ABCA4: variants seen among roughly 807,000 people sequenced by gnomAD.
ABCA4 encodes the protein retinal-specific phospholipid-transporting ATPase ABCA4.
Under a neutral mutation model 263.7 loss-of-function variants are expected in ABCA4, and 196 were observed. The observed-to-expected ratio is 0.74, with a 90% CI of 0.66 to 0.84. The LOEUF is 0.84. Among genes scored for constraint, ABCA4 ranks in the 40% least tolerant of loss-of-function variants. ABCA4 has a pLI of 0.00. For missense variants in ABCA4, 2,792 were observed against 2,855.1 expected (o/e 0.98, Z 0.50); for synonymous variants, 1,133 against 1,094.2 (o/e 1.04, Z -0.70).
chr1:94,082,694 C>T (rs941566671), intron 7 of ABCA4, among the ~76,000 whole-genome samples: 9 of 152,344 alleles, frequency 5.9e-5, no homozygotes, highest in South Asian at 2.1e-4. Flanking sequence ...CCCTCCCTTT[C>T]GTAACACTCA....
chr1:94,100,166 G>A (rs1003657246), intron 5 of ABCA4, among the ~76,000 whole-genome samples: 5 of 152,268 alleles, frequency 3.3e-5, no homozygotes, highest in Admixed American at 6.5e-5. Context: ...GTCCCCACAC[G>A]AGGCACAGGT....
intron 38 of ABCA4, among the ~76,000 whole-genome samples, 176 bp from the exon 39 acceptor site, chr1:94,011,561 A>C (rs1659548706): frequency 6.6e-6 from 1 of 152,178 alleles, no homozygotes; most frequent in African/African-American, 2.4e-5. Context: ...ATGGGTTTGC[A>C]ATGGAGGTCA....
intron 49 of ABCA4, 128 bp downstream of exon 49, chr1:93,995,981 C>A (rs138940980): frequency 1.3e-6 from 1 of 764,728 alleles, no homozygotes. Flanking sequence ...TGGTAGGGAC[C>A]GTGGTGTGGG....
rs560159280 is a variant in ABCA4 at position 94,062,521 on chromosome 1, C to T, written c.1937+56G>A. The T allele has an allele frequency of 1.1e-4, 181 of 1,588,636 alleles. 1 individual carries two copies. The highest frequency in any genetic ancestry group is 1.5e-4 in the Non-Finnish European group (174 of 1,160,136). Reference sequence around the variant, plus strand: ...AGGGCACCCCCAGCCCACCCCAGCCCACTCCAGCACCCCCATTAGCGTGTC... The same window carrying T: ...AGGGCACCCCCAGCCCACCCCAGCCTACTCCAGCACCCCCATTAGCGTGTC... On this transcript the variant is annotated intron_variant, in intron 13 of 49. Coordinates refer to ENST00000370225, the MANE Select transcript of ABCA4 (RefSeq NM_000350.3).
intron 47 of ABCA4, 128 bp from the exon 48 acceptor site, chr1:93,998,238 C>A: frequency 1.5e-6 from 2 of 1,306,440 alleles, no homozygotes; most frequent in Non-Finnish European, 1.1e-6. Flanking sequence ...CACCTGAAAT[C>A]CCAGCAATTT....
chr1:94,120,346 T>A (rs1347497790), intron 1 of ABCA4, among the ~76,000 whole-genome samples: 1 of 151,964 alleles, frequency 6.6e-6, no homozygotes, highest in East Asian at 1.9e-4. Context: ...ATTGAAAGAG[T>A]TCAGGAAATG....
At chr1:93,996,642 C>T (rs1659011006) in intron 48 of ABCA4, among the ~76,000 whole-genome samples, 1 of 152,146 alleles carries the variant, frequency 6.6e-6, no homozygotes, top group Admixed American at 6.6e-5. Context: ...GGAGACTTCC[C>T]TGTTTCCACT....
chr1:94,068,607 A>T (rs757402881), intron 11 of ABCA4, among the ~76,000 whole-genome samples: 3 of 152,266 alleles, frequency 2.0e-5, no homozygotes, highest in Non-Finnish European at 4.4e-5. Flanking sequence ...TGGTCTGATT[A>T]GCTTGCAAGT....
intron 6 of ABCA4, among the ~76,000 whole-genome samples, chr1:94,093,839 T>A (rs543540156): frequency 1.3e-5 from 2 of 152,226 alleles, no homozygotes; most frequent in African/African-American, 4.8e-5. Context: ...TTGATGGTAA[T>A]AGGTAAAGAT....
chr1:94,104,953 G>A (rs916551672), intron 4 of ABCA4, among the ~76,000 whole-genome samples: 6 of 151,320 alleles, frequency 4.0e-5, no homozygotes, highest in Admixed American at 6.6e-5. Flanking sequence ...CCCAACACAC[G>A]CACACACACA....
At chr1:94,025,732 T>G (rs1660025025) in intron 30 of ABCA4, 1 of 157,840 alleles carries the variant, frequency 6.3e-6, no homozygotes, top group Admixed American at 6.0e-5. Context: ...TGTATTGTCA[T>G]GTACTGTTGT....
rs1662047671 is a variant in ABCA4, at chr1:94,094,002, T to G, written c.768+4792A>C. ...CAACAGCCCTGCTGTTCCCTGGTACTGGCACTCAGGAATCACTCCTTTCTC... is the reference window on the plus strand; with the variant it reads ...CAACAGCCCTGCTGTTCCCTGGTACGGGCACTCAGGAATCACTCCTTTCTC... On this transcript the variant is annotated intron_variant, in intron 6 of 49. Coordinates refer to ENST00000370225, the MANE Select transcript of ABCA4 (RefSeq NM_000350.3). 2.0e-5 allele frequency among the ~76,000 whole-genome samples: 3 copies of G among 152,224 alleles called. No homozygotes were observed. The South Asian group carries it at 6.2e-4, about 32-fold the overall frequency.
chr1:94,048,402 G>C (rs1660744472), intron 18 of ABCA4, among the ~76,000 whole-genome samples: 2 of 152,240 alleles, frequency 1.3e-5, no homozygotes, highest in South Asian at 2.1e-4. Flanking sequence ...AAAGGCTTCT[G>C]ATGGTTTCAA....
At chr1:94,026,273 TTC>T (rs1660037418) in intron 30 of ABCA4, among the ~76,000 whole-genome samples, 1 of 152,208 alleles carries the variant, frequency 6.6e-6, no homozygotes, top group Non-Finnish European at 1.5e-5. Context: ...TTCACCTTGT[TTC>T]TCTCTCTCCT....
chr1:94,079,299 G>T, intron 9 of ABCA4, 23 bp downstream of exon 9: 1 of 1,613,836 alleles, frequency 6.2e-7, no homozygotes, highest in Non-Finnish European at 8.5e-7. Flanking sequence ...GGGTACACAA[G>T]GCAAGCCCAG....
At chr1:94,024,930 A>T in intron 31 of ABCA4, 24 bp downstream of exon 31, 1 of 1,586,890 alleles carries the variant, frequency 6.3e-7, no homozygotes, top group Non-Finnish European at 8.7e-7. Flanking sequence ...CCAGGATAAA[A>T]AGCATAAAAG....
At chr1:94,110,050 T>C (rs545894755) in intron 3 of ABCA4, among the ~76,000 whole-genome samples, 26 of 152,242 alleles carry the variant, frequency 1.7e-4, no homozygotes, top group African/African-American at 6.3e-4. Flanking sequence ...TCTTCAGGCC[T>C]CCCTGATCCC....
intron 30 of ABCA4, among the ~76,000 whole-genome samples, chr1:94,028,930 A>AAAACAAAAAAC (rs35998587): frequency 1.3e-4 from 14 of 108,036 alleles, no homozygotes; most frequent in Middle Eastern, 5.4e-3. Flanking sequence ...AAAAAAAAAA[A>AAAACAAAAAAC]GAAATTCAAA....
At chr1:94,001,572 G>T in intron 45 of ABCA4, 1 of 609,404 alleles carries the variant, frequency 1.6e-6, no homozygotes, top group Non-Finnish European at 3.1e-6. Flanking sequence ...ACAGGCCGCA[G>T]AGTGGGCTGA....
Sources: allele counts gnomAD v4.1 joint callset (sites outside exome capture counted in the v4.1 genomes callset), GRCh38; gene constraint gnomAD v4.1.1; transcripts MANE v1.5; gene names NCBI Gene and HGNC (gene_info 2026-07-23, HGNC 2026-07-21).